The following KAZN variants were observed in gnomAD, a reference collection of about 807,000 sequenced individuals.
KAZN encodes kazrin, periplakin interacting protein, also known as kazrin.
A neutral mutation model predicts 87.4 loss-of-function variants in KAZN; 40 were observed. The ratio of observed to expected loss-of-function variants is 0.46; its 90% CI spans 0.36 to 0.60. The LOEUF (loss-of-function observed/expected upper bound fraction) is 0.60. Ranked by LOEUF, KAZN falls within the 20% of genes least tolerant of loss-of-function variation. The probability of loss-of-function intolerance (pLI) is 0.00; values close to 1 mark genes in which losing one functional copy is unlikely to be tolerated. For missense variants in KAZN, 898 were observed against 1,073.9 expected (o/e 0.84, Z 2.29); for synonymous variants, 466 against 458.3 (o/e 1.02, Z -0.22).
At chr1:14,604,750 T>A (rs920236484) in intron 1 of KAZN, among the ~76,000 whole-genome samples, 1 of 152,224 alleles carries the variant, frequency 6.6e-6, no homozygotes, top group Non-Finnish European at 1.5e-5. Context: ...GGGTCAGGCT[T>A]CTGAAAGGTC....
At chr1:15,030,612 G>A (rs1291835073) in intron 2 of KAZN, among the ~76,000 whole-genome samples, 3 of 152,222 alleles carry the variant, frequency 2.0e-5, no homozygotes, top group Admixed American at 1.3e-4. Context: ...CAGCAATGTG[G>A]TCGCATCATG....
At chr1:14,653,414 A>G (rs1638573456) in intron 1 of KAZN, among the ~76,000 whole-genome samples, 1 of 152,168 alleles carries the variant, frequency 6.6e-6, no homozygotes, top group Non-Finnish European at 1.5e-5. Flanking sequence ...CGTGGGAGAC[A>G]ATGGGGTCCC....
intron 1 of KAZN, among the ~76,000 whole-genome samples, chr1:14,826,155 G>T (rs937363506): frequency 6.6e-6 from 1 of 152,136 alleles, no homozygotes; most frequent in African/African-American, 2.4e-5. Context: ...GTGGAAGCCC[G>T]TGCACCCCCA....
intron 2 of KAZN, among the ~76,000 whole-genome samples, chr1:14,254,762 A>G (rs1010083613): frequency 1.3e-5 from 2 of 152,074 alleles, no homozygotes; most frequent in African/African-American, 2.4e-5. Context: ...CTGCACAGGT[A>G]TGACACCAAC....
At chr1:14,827,010 G>A (rs953217245) in intron 1 of KAZN, among the ~76,000 whole-genome samples, 1 of 152,306 alleles carries the variant, frequency 6.6e-6, no homozygotes, top group Non-Finnish European at 1.5e-5. Context: ...ACCTATTGGA[G>A]CTGCCGTGAG....
intron 1 of KAZN, among the ~76,000 whole-genome samples, chr1:13,982,252 A>G (rs1000909688): frequency 6.6e-6 from 1 of 152,096 alleles, no homozygotes; most frequent in African/African-American, 2.4e-5. Context: ...TGTGTCCGGA[A>G]TTGGTGGGTT....
intron 1 of KAZN, among the ~76,000 whole-genome samples, chr1:14,023,116 A>G (rs1640922292): frequency 6.6e-6 from 1 of 151,968 alleles, no homozygotes. Context: ...GGAGTTGGAG[A>G]CCAGTCTTGG....
chr1:14,268,227 T>C (rs1651647179), intron 2 of KAZN, among the ~76,000 whole-genome samples: 1 of 152,134 alleles, frequency 6.6e-6, no homozygotes, highest in Admixed American at 6.5e-5. Flanking sequence ...TGTGAAGATA[T>C]TTGCACAGTG....
intron 8 of KAZN, among the ~76,000 whole-genome samples, chr1:15,089,694 C>G (rs1347809962): frequency 7.8e-6 from 1 of 127,534 alleles, no homozygotes; most frequent in Non-Finnish European, 1.6e-5. Context: ...GCCATAGGTG[C>G]GTCTGGAGAG....
chr1:14,098,828 A>G (rs1161012676), intron 1 of KAZN, among the ~76,000 whole-genome samples: 1 of 152,136 alleles, frequency 6.6e-6, no homozygotes, highest in Non-Finnish European at 1.5e-5. Flanking sequence ...ACTTCAATTT[A>G]TAGTTTTCTC....
chr1:14,918,128 C>T (rs1455435260), intron 1 of KAZN, among the ~76,000 whole-genome samples: 2 of 152,216 alleles, frequency 1.3e-5, no homozygotes, highest in African/African-American at 4.8e-5. Flanking sequence ...CCGCCTGCCT[C>T]AGCCTCCCAA....
chr1:13,998,702 C>A (rs1387401515), intron 1 of KAZN, among the ~76,000 whole-genome samples: 1 of 151,978 alleles, frequency 6.6e-6, no homozygotes, highest in Non-Finnish European at 1.5e-5. Flanking sequence ...TACAGAAGCA[C>A]CCAGATTCAT....
At chr1:14,119,496 T>G (rs1644704939) in intron 1 of KAZN, among the ~76,000 whole-genome samples, 1 of 152,194 alleles carries the variant, frequency 6.6e-6, no homozygotes, top group Non-Finnish European at 1.5e-5. Flanking sequence ...AGAACTCCTC[T>G]AGTGTCTCCA....
rs147088428 is a variant in KAZN, at chr1:14,018,870, T to C, written c.91+125114T>C. Among the ~76,000 whole-genome samples, 1,261 of 152,238 alleles carry C rather than the reference T, an allele frequency of 8.3e-3. 21 individuals are homozygous for C. Among genetic ancestry groups the C allele is most frequent in the African/African-American group, 0.029 (1,208 of 41,546 alleles). On this transcript the variant is annotated intron_variant, in intron 1 of 16. Transcript: ENST00000636203. ...ATTAGCTTCCCTGGCTCTGAGGCTT[T>C]AGGACTTGAATTGAGCCATGCTACC...
chr1:14,581,229 C>A (rs1469381871), intron 2 of KAZN, among the ~76,000 whole-genome samples: 1 of 152,180 alleles, frequency 6.6e-6, no homozygotes, highest in Non-Finnish European at 1.5e-5. Flanking sequence ...TATCCCCAAA[C>A]CTGCTCCTCC....
At chr1:14,668,129 C>T (rs956326378) in intron 1 of KAZN, among the ~76,000 whole-genome samples, 7 of 152,274 alleles carry the variant, frequency 4.6e-5, no homozygotes, top group African/African-American at 1.7e-4. Context: ...TAAATTCTTC[C>T]ACTATTAACG....
chr1:14,383,144 TCA>T (rs1661525551), intron 2 of KAZN, among the ~76,000 whole-genome samples: 2 of 152,198 alleles, frequency 1.3e-5, no homozygotes, highest in African/African-American at 4.8e-5. Flanking sequence ...TTCATATCCT[TCA>T]TCCACTTTTT....
chr1:14,211,710 T>C (rs1646856595), intron 2 of KAZN, among the ~76,000 whole-genome samples: 1 of 152,092 alleles, frequency 6.6e-6, no homozygotes, highest in South Asian at 2.1e-4. Flanking sequence ...AAATTGGCCA[T>C]GATGGGAATA....
At position 14,846,702 on chromosome 1, in the gene KAZN, C is replaced by T. The variant is rs926440857; in HGVS notation, c.227-113982C>T. Among the ~76,000 whole-genome samples, 9 of 152,116 alleles carry T rather than the reference C, an allele frequency of 5.9e-5. No individual in the cohort carries two copies. In the South Asian group the frequency reaches 1.1e-3, roughly 18 times the overall value. On this transcript the variant is annotated intron_variant, in intron 1 of 14. Coordinates refer to ENST00000376030, the MANE Select transcript of KAZN (RefSeq NM_201628.3). The stretch of plus-strand genomic sequence containing the variant: ...ACCTTGAGAATCAGGGGGGAGTTAT[C>T]ATCCTCATTTTGCAGCTGACAATAA...
Sources: gnomAD v4.1 joint callset for allele counts (sites outside exome capture counted in the v4.1 genomes callset) on GRCh38, gnomAD v4.1.1 for gene constraint, MANE v1.5 for transcripts, NCBI Gene and HGNC (gene_info 2026-07-23, HGNC 2026-07-21) for gene names.